Variants in SUMF1 observed in about 807,000 individuals in gnomAD.
SUMF1 encodes the protein formylglycine-generating enzyme.
Under a neutral mutation model 47.6 loss-of-function variants are expected in SUMF1, and 48 were observed. The observed-to-expected ratio is 1.01, with a 90% CI of 0.80 to 1.28. SUMF1 has a LOEUF of 1.28. SUMF1 is among the 50% of genes most tolerant of loss of function. The pLI, the probability that SUMF1 is intolerant of heterozygous loss-of-function variation, is 0.00. For synonymous variants in SUMF1, 230 were observed against 192.1 expected (o/e 1.20, Z -1.63); for missense variants, 571 against 485.4 (o/e 1.18, Z -1.66).
intron 8 of SUMF1, among the ~76,000 whole-genome samples, chr3:4,087,066 T>C (rs1186795069): frequency 1.3e-5 from 2 of 152,164 alleles, no homozygotes; most frequent in South Asian, 2.1e-4. Flanking sequence ...ATAGAAAAGA[T>C]CTTTTCCCCA....
chr3:4,065,214 A>G (rs1383374636), intron 9 of SUMF1, among the ~76,000 whole-genome samples: 3 of 150,538 alleles, frequency 2.0e-5, no homozygotes, highest in African/African-American at 7.5e-5. Flanking sequence ...GCTTTTTCTC[A>G]CTGCTTTTTT....
chr3:4,125,277 T>C (rs538989164), intron 8 of SUMF1, among the ~76,000 whole-genome samples: 1 of 152,258 alleles, frequency 6.6e-6, no homozygotes, highest in South Asian at 2.1e-4. Flanking sequence ...AATAACTACA[T>C]GTTACCGGTT....
chr3:4,064,069 G>T (rs1321094345), intron 9 of SUMF1, among the ~76,000 whole-genome samples: 5 of 152,076 alleles, frequency 3.3e-5, no homozygotes. Context: ...GAACCAGAGT[G>T]ACTTCATCTT....
chr3:4,273,116 A>G (rs1473530062), intron 8 of SUMF1, among the ~76,000 whole-genome samples: 1 of 149,392 alleles, frequency 6.7e-6, no homozygotes, highest in Non-Finnish European at 1.5e-5. Context: ...ACATATATAT[A>G]TACACACACA....
chr3:4,271,614 G>A lies in SUMF1; in HGVS notation c.1014+104716C>T, dbSNP rs1380540972. On this transcript the variant is annotated intron_variant and NMD_transcript_variant, in intron 8 of 12. Coordinates refer to the SUMF1 transcript ENST00000448413. ...AATCCCAGGCTCAAGTGATTCTCCCGCCTCAGTCTCCCAAGTAGCTGGGAC... is the reference window on the plus strand; with the variant it reads ...AATCCCAGGCTCAAGTGATTCTCCCACCTCAGTCTCCCAAGTAGCTGGGAC... Among the ~76,000 whole-genome samples the A allele has an allele frequency of 2.6e-5, 4 of 151,998 alleles. No homozygotes were observed. The East Asian group carries it at 7.7e-4, about 29-fold the overall frequency.
At chr3:4,320,912 T>C (rs1004128118) in intron 8 of SUMF1, among the ~76,000 whole-genome samples, 7 of 152,172 alleles carry the variant, frequency 4.6e-5, no homozygotes, top group African/African-American at 1.7e-4. Context: ...GGGCAGCTTC[T>C]AAGGCCTTTC....
chr3:4,457,289 A>T (rs1004832268), intron 1 of SUMF1, among the ~76,000 whole-genome samples: 7 of 151,982 alleles, frequency 4.6e-5, no homozygotes, highest in African/African-American at 1.7e-4. Flanking sequence ...GATATTAAGA[A>T]ATTAATCCCA....
intron 8 of SUMF1, among the ~76,000 whole-genome samples, chr3:4,259,214 G>GT (rs1697031757): frequency 6.6e-6 from 1 of 151,878 alleles, no homozygotes; most frequent in Admixed American, 6.6e-5. Context: ...GTATACATAT[G>GT]TAAGTAACCT....
chr3:4,403,563 G>A (rs750815330), intron 7 of SUMF1, among the ~76,000 whole-genome samples: 2 of 152,090 alleles, frequency 1.3e-5, no homozygotes, highest in Admixed American at 6.6e-5. Flanking sequence ...CAGGGGAGAC[G>A]CGACAACTGT....
intron 8 of SUMF1, among the ~76,000 whole-genome samples, chr3:4,222,569 C>T (rs1696090541): frequency 6.6e-6 from 1 of 151,924 alleles, no homozygotes; most frequent in South Asian, 2.1e-4. Flanking sequence ...TCAGCAGCCC[C>T]CACACCTTGT....
At chr3:4,257,971 A>G (rs1696993740) in intron 8 of SUMF1, among the ~76,000 whole-genome samples, 1 of 152,104 alleles carries the variant, frequency 6.6e-6, no homozygotes, top group Non-Finnish European at 1.5e-5. Flanking sequence ...GTCTACAACT[A>G]TCTGATCTTT....
intron 9 of SUMF1, among the ~76,000 whole-genome samples, chr3:4,041,286 G>C (rs1694903699): frequency 6.6e-6 from 1 of 152,114 alleles, no homozygotes; most frequent in African/African-American, 2.4e-5. Context: ...TGGCCAGGCT[G>C]GTCTTGAACT....
chr3:4,323,605 C>A (rs1469057683), intron 8 of SUMF1, among the ~76,000 whole-genome samples: 3 of 152,042 alleles, frequency 2.0e-5, no homozygotes, highest in African/African-American at 7.2e-5. Flanking sequence ...GGAGGAGCAG[C>A]AGAAGAATGA....
At chr3:4,172,857 A>G (rs1694863851) in intron 8 of SUMF1, among the ~76,000 whole-genome samples, 1 of 152,104 alleles carries the variant, frequency 6.6e-6, no homozygotes, top group Non-Finnish European at 1.5e-5. Context: ...CTTTAGTTTA[A>G]TTAGATCCCA....
intron 8 of SUMF1, among the ~76,000 whole-genome samples, chr3:4,228,294 C>G (rs569261647): frequency 6.6e-6 from 1 of 151,960 alleles, no homozygotes; most frequent in African/African-American, 2.4e-5. Context: ...ATCCACATAC[C>G]AAGCCACCCT....
At chr3:4,176,044 G>C (rs919405108) in intron 8 of SUMF1, among the ~76,000 whole-genome samples, 1 of 152,176 alleles carries the variant, frequency 6.6e-6, no homozygotes, top group African/African-American at 2.4e-5. Flanking sequence ...TATGTGAAAA[G>C]ACCAAATCTA....
intron 8 of SUMF1, among the ~76,000 whole-genome samples, chr3:4,106,153 T>C (rs1341319564): frequency 3.3e-5 from 5 of 152,098 alleles, no homozygotes; most frequent in Admixed American, 3.3e-4. Flanking sequence ...TCTGTAGGGT[T>C]CCCGTGGCAT....
chr3:4,197,625 G>A (rs1695457034), intron 8 of SUMF1, among the ~76,000 whole-genome samples: 1 of 152,144 alleles, frequency 6.6e-6, no homozygotes, highest in Non-Finnish European at 1.5e-5. Flanking sequence ...CCCAAGGAAT[G>A]GCGGAGGATG....
At chr3:4,278,699 A>G (rs1230008189) in intron 8 of SUMF1, among the ~76,000 whole-genome samples, 2 of 152,168 alleles carry the variant, frequency 1.3e-5, no homozygotes, top group East Asian at 3.8e-4. Flanking sequence ...TAACAAGCAA[A>G]AAGCAAGCTT....
Sources: gnomAD v4.1 joint callset for allele counts (sites outside exome capture counted in the v4.1 genomes callset) on GRCh38, gnomAD v4.1.1 for gene constraint, MANE v1.5 for transcripts, NCBI Gene and HGNC (gene_info 2026-07-23, HGNC 2026-07-21) for gene names.